Variants in SNRNP70 observed in about 807,000 individuals in gnomAD.
SNRNP70 encodes the protein U1 small nuclear ribonucleoprotein 70 kDa.
Under a neutral mutation model 50.5 loss-of-function variants are expected in SNRNP70, and 8 were observed. The observed-to-expected ratio is 0.16, with a 90% confidence interval of 0.09 to 0.29. The LOEUF is 0.29. Ranked by LOEUF, SNRNP70 falls within the 10% of genes least tolerant of loss-of-function variation. The pLI is 1.00. For missense variants in SNRNP70, 529 were observed against 663.5 expected (o/e 0.80, Z 2.23); for synonymous variants, 320 against 252.9 (o/e 1.27, Z -2.52).
intron 8 of SNRNP70, among the ~76,000 whole-genome samples, chr19:49,105,675 A>C (rs769573138): frequency 6.6e-6 from 1 of 152,094 alleles, no homozygotes; most frequent in Non-Finnish European, 1.5e-5. Context: ...GCAGTGAGCC[A>C]AGATAGAGTC....
At chr19:49,095,035 C>CGCTGGCT (rs1283659309) in intron 4 of SNRNP70, among the ~76,000 whole-genome samples, 2 of 152,254 alleles carry the variant, frequency 1.3e-5, no homozygotes, top group African/African-American at 4.8e-5. Flanking sequence ...TGCACGCATA[C>CGCTGGCT]GCTGGCTGTG....
chr19:49,085,586 C>A lies in SNRNP70; in HGVS notation c.-61C>A, dbSNP rs777162429. On this transcript the variant is annotated 5_prime_UTR_variant, in exon 1 of 10. Coordinates refer to ENST00000598441, the MANE Select transcript of SNRNP70 (RefSeq NM_003089.6). ...AGTTGTTGTTGCTGAGGGGCTGCCG[C>A]AGCCGCCGCGAGCCTCCGGACAGAC... The A allele has an allele frequency of 7.7e-5, 35 of 456,084 alleles. No homozygotes were observed. The highest frequency in any genetic ancestry group is 5.4e-4 in the South Asian group (35 of 64,560). The allele number at this position is 456,084 out of a possible 1,614,324, so 28.3% of individuals were successfully genotyped here. A position where few individuals can be genotyped will look rare whatever the true frequency, so the allele number is the denominator to read the frequency against.
intron 4 of SNRNP70, 66 bp from the exon 5 acceptor site, chr19:49,098,361 G>C (rs771381518): frequency 7.7e-5 from 100 of 1,297,074 alleles, no homozygotes; most frequent in Non-Finnish European, 1.1e-4. Context: ...TCTGCCCATC[G>C]TATTTGTTTT....
chr19:49,101,771 G>A (rs2040590867), intron 7 of SNRNP70: 2 of 437,812 alleles, frequency 4.6e-6, no homozygotes, highest in South Asian at 4.2e-5. Context: ...GGAGGTGGGG[G>A]GAGGGGTCGG....
At position 49,098,448 on chromosome 19, in the gene SNRNP70, A is replaced by G. The variant is rs138012907; in HGVS notation, c.287A>G (p.Asn96Ser). ...LKMWDPHNDP[N>S]AQGDAFKTLF... ...ACAGGGGACCCTCACAATGATCCCA[A>G]TGCTCAGGGGGATGCCTTCAAGACT... Residue 96 changes from asparagine to serine, a missense_variant, in exon 5 of 10, where the codon AAT becomes AGT. Around this residue, in one of 4 missense-constraint regions of SNRNP70, gnomAD observed 149 missense variants for 259.7 expected, o/e 0.57. Coordinates refer to ENST00000598441, the MANE Select transcript of SNRNP70 (RefSeq NM_003089.6). 99 of 1,613,710 alleles carry G rather than the reference A, an allele frequency of 6.1e-5. No homozygotes were observed. Among genetic ancestry groups the G allele is most frequent in the African/African-American group, 2.5e-4 (19 of 75,036 alleles).
At chr19:49,091,292 C>A (rs1231994735) in intron 4 of SNRNP70, among the ~76,000 whole-genome samples, 2 of 151,724 alleles carry the variant, frequency 1.3e-5, no homozygotes, top group Non-Finnish European at 2.9e-5. Context: ...TCTCCTGAAC[C>A]CAGAAGGCGG....
At position 49,093,158 on chromosome 19, in the gene SNRNP70, C is replaced by T. The variant is rs190582396; in HGVS notation, c.265+2638C>T. ...TTGCCCAGGCTGGAGTGTAGTGGTACGATCTAGGGTCACTGCAACCTCTGC... is the reference window on the plus strand; with the variant it reads ...TTGCCCAGGCTGGAGTGTAGTGGTATGATCTAGGGTCACTGCAACCTCTGC... On this transcript the variant is annotated intron_variant, in intron 4 of 9. Coordinates refer to ENST00000598441, the MANE Select transcript of SNRNP70 (RefSeq NM_003089.6). Among the ~76,000 whole-genome samples, 39 of 152,032 alleles carry T rather than the reference C, an allele frequency of 2.6e-4. No individual in the cohort carries two copies. The South Asian group carries it at 3.1e-3, about 12-fold the overall frequency.
In SNRNP70 at chr19:49,104,919, G is replaced by T. The variant is rs2040646205; in HGVS notation, c.577+184G>T. ...GACAGCTGCCTGCCTCCTCGTTCTG[G>T]GTTACTGTGAGGAGCAGGGGCACCA... On this transcript the variant is annotated intron_variant, in intron 8 of 9. Transcript: ENST00000598441. The surrounding 1 kb of genome is among the most constrained non-coding windows in gnomAD (Gnocchi z 5.4). Among the ~76,000 whole-genome samples the T allele has an allele frequency of 6.6e-6, 1 of 152,172 alleles. No individual in the cohort carries two copies. The highest frequency in any genetic ancestry group is 2.1e-4 in the South Asian group (1 of 4,830).
intron 2 of SNRNP70, chr19:49,087,593 C>T (rs1306155662): frequency 1.3e-5 from 2 of 152,160 alleles, no homozygotes; most frequent in African/African-American, 2.4e-5. Context: ...GACTTAGGCT[C>T]CTGGACCTCT....
chr19:49,107,894 A>G lies in SNRNP70; in HGVS notation c.765A>G (p.Arg255=), dbSNP rs1373852063. 1 of 1,547,042 alleles carries G rather than the reference A, an allele frequency of 6.5e-7. No individual in the cohort carries two copies. The highest frequency in any genetic ancestry group is 1.4e-5 in the African/African-American group (1 of 72,042). Residue 255 remains arginine (R), a synonymous_variant, in exon 10 of 10, where the codon CGA becomes CGG. Transcript: ENST00000598441. This position sits in a 1 kb window ranked among gnomAD's most constrained non-coding sequence, Gnocchi z 6.0. ...AGCGAGACAAGGAGCGAGAACGGCGACGCTCCCGCTCCCGGGACCGGCGGA... is the reference window on the plus strand; with the variant it reads ...AGCGAGACAAGGAGCGAGAACGGCGGCGCTCCCGCTCCCGGGACCGGCGGA... The part of the protein sequence containing the change: ...SRERDKERER[R]RSRSRDRRRR...
chr19:49,098,268 G>C (rs1370066296), intron 4 of SNRNP70, among the ~76,000 whole-genome samples, 159 bp from the exon 5 acceptor site: 2 of 152,202 alleles, frequency 1.3e-5, no homozygotes, highest in Non-Finnish European at 2.9e-5. Context: ...GGTTCAGAGA[G>C]GGGCGTCCCT....
chr19:49,089,602 A>G (rs1316626064), intron 2 of SNRNP70, among the ~76,000 whole-genome samples: 1 of 151,466 alleles, frequency 6.6e-6, no homozygotes, highest in Non-Finnish European at 1.5e-5. Flanking sequence ...ATCACAGTCC[A>G]GCAACAGTTT....
At chr19:49,101,259 C>T in intron 6 of SNRNP70, 131 bp from the exon 7 acceptor site, 1 of 686,822 alleles carries the variant, frequency 1.5e-6, no homozygotes, top group Non-Finnish European at 2.7e-6. Context: ...ATAAGTCACT[C>T]AGGGCTCTTG....
chr19:49,103,816 C>T (rs1032287784), intron 7 of SNRNP70: 4 of 152,976 alleles, frequency 2.6e-5, no homozygotes, highest in East Asian at 1.9e-4. Context: ...CCCCCGTCTC[C>T]CCTCTACGAC....
intron 6 of SNRNP70, among the ~76,000 whole-genome samples, chr19:49,100,079 T>G (rs1438047454): frequency 1.3e-5 from 2 of 152,200 alleles, no homozygotes; most frequent in Non-Finnish European, 2.9e-5. Context: ...GGTCCCAGGT[T>G]CATCCATGAT....
In SNRNP70 at chr19:49,098,622, T is replaced by A. The variant is rs1228298502; in HGVS notation, c.331-20T>A. On this transcript the variant is annotated intron_variant, in intron 5 of 9. Coordinates refer to ENST00000598441, the MANE Select transcript of SNRNP70 (RefSeq NM_003089.6). The stretch of plus-strand genomic sequence containing the variant: ...GACAGCTCTGTTCTCCCATTTAACG[T>A]CATATCCATCTCCTTGTAGAATTAT... 4.3e-6 allele frequency: 7 copies of A among 1,612,514 alleles called. No individual in the cohort carries two copies. In the South Asian group the frequency reaches 6.6e-5, roughly 15 times the overall value.
chr19:49,097,567 C>G (rs2040529188), intron 4 of SNRNP70, among the ~76,000 whole-genome samples: 1 of 152,130 alleles, frequency 6.6e-6, no homozygotes, highest in Admixed American at 6.5e-5. Context: ...TCATGCTCTC[C>G]CAGAATGTGA....
intron 4 of SNRNP70, 57 bp downstream of exon 4, chr19:49,090,577 C>A: frequency 6.5e-7 from 1 of 1,527,706 alleles, no homozygotes; most frequent in South Asian, 1.1e-5. Flanking sequence ...TGTATTCTTC[C>A]CAGGTCATAC....
rs140968811 is a variant in SNRNP70 at position 49,104,848 on chromosome 19, C to A, written c.577+113C>A. ...TCTCCTGCCGGCCCACCTCTCCCAT[C>A]GCGTCCTCATCTCCGGCTTCTCTCT... On this transcript the variant is annotated intron_variant, in intron 8 of 9. Coordinates refer to ENST00000598441, the MANE Select transcript of SNRNP70 (RefSeq NM_003089.6). This position sits in a 1 kb window ranked among gnomAD's most constrained non-coding sequence, Gnocchi z 5.4. The A allele has an allele frequency of 4.8e-6, 3 of 631,564 alleles. No homozygotes were observed. The highest frequency in any genetic ancestry group is 8.0e-6 in the Non-Finnish European group (3 of 372,728). 39.1% of individuals were successfully genotyped at this position (631,564 alleles called of 1,614,324 possible). A position where few individuals can be genotyped will look rare whatever the true frequency, so the allele number is the denominator to read the frequency against.
Sources: allele counts gnomAD v4.1 joint callset (sites outside exome capture counted in the v4.1 genomes callset), GRCh38; gene constraint gnomAD v4.1.1; regional missense constraint gnomAD v4.1.1; non-coding constraint Gnocchi (gnomAD v3.1); transcripts MANE v1.5; gene names NCBI Gene and HGNC (gene_info 2026-07-23, HGNC 2026-07-21).